Variants in MAP2K6 observed in about 807,000 individuals in gnomAD.
MAP2K6 encodes dual specificity mitogen-activated protein kinase kinase 6.
A neutral mutation model predicts 53.7 loss-of-function variants in MAP2K6; 16 were observed. That is an observed-to-expected ratio of 0.30 (90% CI 0.20 to 0.45). The LOEUF (loss-of-function observed/expected upper bound fraction) is 0.45, where lower values mean the gene tolerates loss of function less well. Ranked by LOEUF, MAP2K6 falls within the 20% of genes least tolerant of loss-of-function variation. MAP2K6 has a pLI of 1.00. For synonymous variants in MAP2K6, 132 were observed against 143.1 expected (o/e 0.92, Z 0.55); for missense variants, 204 against 411.9 (o/e 0.50, Z 4.37).
chr17:69,460,009 C>G (rs1244901318), intron 1 of MAP2K6, among the ~76,000 whole-genome samples: 1 of 125,562 alleles, frequency 8.0e-6, no homozygotes, highest in African/African-American at 2.9e-5. Context: ...TTTCTTCTTT[C>G]CTTTTTACCC....
chr17:69,553,854 T>A lies in MAP2K6; in HGVS notation c.*12101T>A, dbSNP rs1044285277. 9 of 152,200 alleles carry A rather than the reference T, an allele frequency of 5.9e-5. No homozygotes were observed. The highest frequency in any genetic ancestry group is 1.2e-4 in the Non-Finnish European group (8 of 68,030). 9.4% of individuals were successfully genotyped at this position (152,200 alleles called of 1,614,324 possible). On this transcript the variant is annotated 3_prime_UTR_variant, in exon 12 of 12. Coordinates refer to ENST00000590474, the MANE Select transcript of MAP2K6 (RefSeq NM_002758.4). ...AAATGTACAACCAATAAAAGACATT[T>A]TAAAAAGCGTAGTGAGTCTGTACAT...
In MAP2K6 at chr17:69,550,567, A is replaced by G. The variant is rs1215895085; in HGVS notation, c.*8814A>G. On this transcript the variant is annotated 3_prime_UTR_variant, in exon 12 of 12. Transcript: ENST00000590474. ...AATTATGGGGAAGGAGTAGTTTTTTATTTTATTTTATTTTTCTGATCTCAA... is the reference window on the plus strand; with the variant it reads ...AATTATGGGGAAGGAGTAGTTTTTTGTTTTATTTTATTTTTCTGATCTCAA... The G allele has an allele frequency of 2.0e-5, 3 of 152,000 alleles. No homozygotes were observed. Among genetic ancestry groups the G allele is most frequent in the South Asian group, 2.1e-4 (1 of 4,794 alleles). The allele number at this position is 152,000 out of a possible 1,614,324, so 9.4% of individuals were successfully genotyped here. A position where few individuals can be genotyped will look rare whatever the true frequency, so the allele number is the denominator to read the frequency against.
intron 1 of MAP2K6, among the ~76,000 whole-genome samples, chr17:69,467,665 G>C (rs749814299): frequency 3.3e-5 from 5 of 152,184 alleles, no homozygotes; most frequent in Non-Finnish European, 7.3e-5. Flanking sequence ...ATGTTAATGT[G>C]TACATATCTA....
At chr17:69,537,508 G>A (rs1171021395) in intron 11 of MAP2K6, among the ~76,000 whole-genome samples, 1 of 152,204 alleles carries the variant, frequency 6.6e-6, no homozygotes, top group Non-Finnish European at 1.5e-5. Flanking sequence ...GATTCCTAGT[G>A]TCAAATGCTG....
rs917157440 is a variant in MAP2K6 at position 69,543,588 on chromosome 17, C to G, written c.*1835C>G. ...CACTTTCCCATCTATCTTCCTAAAT[C>G]TGGAAGTTCTTCTCTTGGAGATCAA... On this transcript the variant is annotated 3_prime_UTR_variant, in exon 12 of 12. Coordinates refer to ENST00000590474, the MANE Select transcript of MAP2K6 (RefSeq NM_002758.4). 6.6e-5 allele frequency: 10 copies of G among 152,148 alleles called. No homozygotes were observed. The highest frequency in any genetic ancestry group is 6.5e-4 in the Admixed American group (10 of 15,282). 9.4% of individuals were successfully genotyped at this position (152,148 alleles called of 1,614,324 possible). A position where few individuals can be genotyped will look rare whatever the true frequency, so the allele number is the denominator to read the frequency against.
At chr17:69,429,109 C>T (rs11653377) in intron 1 of MAP2K6, among the ~76,000 whole-genome samples, 1 of 151,896 alleles carries the variant, frequency 6.6e-6, no homozygotes, top group Non-Finnish European at 1.5e-5. Flanking sequence ...CCCATTGTAA[C>T]AAATGGTCCT....
rs540567570 is a variant in MAP2K6, at chr17:69,487,304, T to C, written c.17-18476T>C. 9.2e-5 allele frequency among the ~76,000 whole-genome samples: 14 copies of C among 152,334 alleles called. No homozygotes were observed. In the South Asian group the frequency reaches 1.2e-3, roughly 14 times the overall value. On this transcript the variant is annotated intron_variant, in intron 1 of 11. Coordinates refer to ENST00000590474, the MANE Select transcript of MAP2K6 (RefSeq NM_002758.4). ...TACATCTGTACAAGCTCTGTGTATG[T>C]GGACAAGGTCCTCGAAACAGAGGAA...
Position 69,494,499 on chromosome 17 carries a change from A to T in MAP2K6, c.17-11281A>T, listed in dbSNP as rs1908867078. On this transcript the variant is annotated intron_variant, in intron 1 of 11. Transcript: ENST00000590474. The surrounding 1 kb of genome is among the most constrained non-coding windows in gnomAD (Gnocchi z 4.2). ...GGTGACAAAGTGAGACTCTGTCTTTAAAAAAAAAAAGAAAGGAAAAAACAA... is the reference window on the plus strand; with the variant it reads ...GGTGACAAAGTGAGACTCTGTCTTTTAAAAAAAAAAGAAAGGAAAAAACAA... 7.3e-6 allele frequency among the ~76,000 whole-genome samples: 1 copy of T among 137,028 alleles called. No homozygotes were observed. Among genetic ancestry groups the T allele is most frequent in the Non-Finnish European group, 1.5e-5 (1 of 65,678 alleles). 89.9% of individuals were successfully genotyped at this position (137,028 alleles called of 152,430 possible).
chr17:69,421,491 A>G (rs774384514), intron 1 of MAP2K6, among the ~76,000 whole-genome samples: 1 of 151,378 alleles, frequency 6.6e-6, no homozygotes, highest in Non-Finnish European at 1.5e-5. Context: ...TTTTAAGTCT[A>G]TGAGGCTTCT....
rs756737737 is a variant in MAP2K6 at position 69,414,941 on chromosome 17, CAA to C, written c.-42_-41del. ...AACTAGCTACAGAAGAGAAGCAAGG[CAA>C]AGTCTTTTGTGCTCCCCTCCCCCAT... On this transcript the variant is annotated 5_prime_UTR_variant, in exon 1 of 12. Transcript: ENST00000590474. 17 of 1,526,062 alleles carry C rather than the reference CAA, an allele frequency of 1.1e-5. No homozygotes were observed. Among genetic ancestry groups the C allele is most frequent in the East Asian group, 6.8e-5 (3 of 44,416 alleles). 94.5% of individuals were successfully genotyped at this position (1,526,062 alleles called of 1,614,324 possible). A position where few individuals can be genotyped will look rare whatever the true frequency, so the allele number is the denominator to read the frequency against.
intron 1 of MAP2K6, among the ~76,000 whole-genome samples, chr17:69,420,201 C>T (rs1355273767): frequency 6.6e-6 from 1 of 152,132 alleles, no homozygotes; most frequent in Non-Finnish European, 1.5e-5. Flanking sequence ...TGAGAAATAG[C>T]TTACTTTTGG....
rs144383231 is a variant in MAP2K6, at chr17:69,435,865, G to A, written c.16+20865G>A. On this transcript the variant is annotated intron_variant, in intron 1 of 11. Transcript: ENST00000590474. Reference sequence around the variant, plus strand: ...ATATTTTTAGTAGAGATGGGGTTTCGCCATGTTGGCTAGGCTGGTCTCGAA... The same window carrying A: ...ATATTTTTAGTAGAGATGGGGTTTCACCATGTTGGCTAGGCTGGTCTCGAA... Among the ~76,000 whole-genome samples, 19 of 151,894 alleles carry A rather than the reference G, an allele frequency of 1.3e-4. No homozygotes were observed. The South Asian group carries it at 2.7e-3, about 22-fold the overall frequency.
chr17:69,451,657 C>T (rs1181058029), intron 1 of MAP2K6, among the ~76,000 whole-genome samples: 1 of 152,174 alleles, frequency 6.6e-6, no homozygotes, highest in South Asian at 2.1e-4. Flanking sequence ...GAGGAACCAG[C>T]TGTAACAGAT....
At chr17:69,436,719 C>A (rs1418349130) in intron 1 of MAP2K6, among the ~76,000 whole-genome samples, 1 of 152,062 alleles carries the variant, frequency 6.6e-6, no homozygotes, top group Non-Finnish European at 1.5e-5. Flanking sequence ...TATAGTTGAC[C>A]CTGAACAATG....
In MAP2K6 at chr17:69,497,240, C is replaced by T. The variant is rs139489886; in HGVS notation, c.17-8540C>T. On this transcript the variant is annotated intron_variant, in intron 1 of 11. Coordinates refer to ENST00000590474, the MANE Select transcript of MAP2K6 (RefSeq NM_002758.4). Reference sequence around the variant, plus strand: ...AGACATGGATGAACAGATGGGTTCACTTAATCAGCATAGGAAGGTTCAGGG... The same window carrying T: ...AGACATGGATGAACAGATGGGTTCATTTAATCAGCATAGGAAGGTTCAGGG... Among the ~76,000 whole-genome samples the T allele has an allele frequency of 4.4e-3, 670 of 152,302 alleles. 4 individuals are homozygous for T. Among genetic ancestry groups the T allele is most frequent in the African/African-American group, 0.015 (633 of 41,560 alleles).
intron 11 of MAP2K6, among the ~76,000 whole-genome samples, chr17:69,537,743 G>A (rs1307014749): frequency 6.6e-6 from 1 of 152,148 alleles, no homozygotes; most frequent in Non-Finnish European, 1.5e-5. Context: ...GGCAGCCCCT[G>A]GTGCTCAGCA....
At chr17:69,454,761 T>C (rs934012518) in intron 1 of MAP2K6, among the ~76,000 whole-genome samples, 1 of 152,120 alleles carries the variant, frequency 6.6e-6, no homozygotes, top group Non-Finnish European at 1.5e-5. Flanking sequence ...TAAGGCAACA[T>C]AGGACAATTC....
At chr17:69,480,208 C>T (rs747818087) in intron 1 of MAP2K6, among the ~76,000 whole-genome samples, 2 of 152,194 alleles carry the variant, frequency 1.3e-5, no homozygotes, top group Non-Finnish European at 1.5e-5. Flanking sequence ...AATTTTGCAT[C>T]GGTACCCTGA....
At chr17:69,505,315 T>G in intron 1 of MAP2K6, 1 of 156,462 alleles carries the variant, frequency 6.4e-6, no homozygotes, top group Non-Finnish European at 1.4e-5. Flanking sequence ...TGGTGGTGCA[T>G]GCCTGTAATC....
Sources: gnomAD v4.1 joint callset for allele counts (sites outside exome capture counted in the v4.1 genomes callset) on GRCh38, gnomAD v4.1.1 for gene constraint, Gnocchi (gnomAD v3.1) non-coding constraint, MANE v1.5 for transcripts, NCBI Gene and HGNC (gene_info 2026-07-23, HGNC 2026-07-21) for gene names.